Variants in TET2 observed in about 807,000 individuals in gnomAD.
TET2 encodes tet methylcytosine dioxygenase 2.
Under a neutral mutation model 142.9 loss-of-function variants are expected in TET2, and 299 were observed. That is an observed-to-expected ratio of 2.09 (90% CI 1.90 to 2.30). TET2 has a LOEUF of 2.30. Among genes scored for constraint, TET2 ranks in the 30% most tolerant of loss-of-function variants. The pLI, the probability that TET2 is intolerant of heterozygous loss-of-function variation, is 0.00. For missense variants in TET2, 2,418 were observed against 2,378.0 expected (o/e 1.02, Z -0.35); for synonymous variants, 819 against 849.0 (o/e 0.96, Z 0.61).
intron 1 of TET2, among the ~76,000 whole-genome samples, chr4:105,188,147 A>T (rs1034285977): frequency 6.6e-6 from 1 of 152,256 alleles, no homozygotes; most frequent in African/African-American, 2.4e-5. Flanking sequence ...ATGGATAAAC[A>T]GAATGTGGTA....
In TET2 at chr4:105,278,171, C is replaced by CATATATACAT. The variant is rs1731303299; in HGVS notation, c.*1659_*1660insCATATATATA. 1 of 113,940 alleles carries CATATATACAT rather than the reference C, an allele frequency of 8.8e-6. No homozygotes were observed. The highest frequency in any genetic ancestry group is 1.7e-5 in the Non-Finnish European group (1 of 59,352). 7.1% of individuals were successfully genotyped at this position (113,940 alleles called of 1,614,324 possible). On this transcript the variant is annotated 3_prime_UTR_variant, in exon 11 of 11. Coordinates refer to ENST00000380013, the MANE Select transcript of TET2 (RefSeq NM_001127208.3). ...GTACTGTAAAAAAATTAAATATATACATATATATATATATATATATATATA... is the reference window on the plus strand; with the variant it reads ...GTACTGTAAAAAAATTAAATATATACATATATACATATATATATATATATATATATATATA...
Position 105,195,743 on chromosome 4 carries a change from T to C in TET2, c.-47+5238T>C, listed in dbSNP as rs560747683. ...TTTTCTGAGTATTTTGATCTGTGAT[T>C]GATTGAATCCACAGATGCTGGAATC... On this transcript the variant is annotated intron_variant, in intron 2 of 10. Coordinates refer to ENST00000380013, the MANE Select transcript of TET2 (RefSeq NM_001127208.3). Among the ~76,000 whole-genome samples the C allele has an allele frequency of 2.6e-5, 4 of 152,304 alleles. No individual in the cohort carries two copies. In the East Asian group the frequency reaches 7.7e-4, roughly 29 times the overall value.
chr4:105,239,074 G>GTTTTTTTTTTTTTTTTTTTTTTTTT, intron 3 of TET2: 1 of 210,648 alleles, frequency 4.7e-6, no homozygotes. Flanking sequence ...TTTGTTTTTT[G>GTTTTTTTTTTTTTTTTTTTTTTTTT]TTTTTTTTTT....
At chr4:105,188,749 G>A (rs1300445090) in intron 1 of TET2, among the ~76,000 whole-genome samples, 1 of 152,008 alleles carries the variant, frequency 6.6e-6, no homozygotes, top group African/African-American at 2.4e-5. Context: ...GAAACCAGAC[G>A]TAAAAGGCCA....
chr4:105,236,972 G>T lies in TET2; in HGVS notation c.3030G>T (p.Glu1010Asp), dbSNP rs770136804. 79 of 1,613,976 alleles carry T rather than the reference G, an allele frequency of 4.9e-5. No homozygotes were observed. The Admixed American group carries it at 1.3e-3, about 26-fold the overall frequency. ...CATGGAAAAAGGTAACTAAGCAAGAGAATCCACCTGCAAGCTGTGATAATG... is the reference window on the plus strand; with the variant it reads ...CATGGAAAAAGGTAACTAAGCAAGATAATCCACCTGCAAGCTGTGATAATG... ...NKTWKKVTKQ[E>D]NPPASCDNVQ... The change falls in exon 3 of 11, where the codon GAG becomes GAT. Residue 1010 changes from glutamate to aspartate, a missense_variant. Glu to Asp is a conservative substitution (Grantham distance 45). Transcript: ENST00000380013.
Position 105,242,914 on chromosome 4 carries a change from C to A in TET2, c.3581C>A (p.Pro1194His). The change falls in exon 5 of 11, where the codon CCT (proline) becomes CAT (histidine). Residue 1194 changes from proline (P) to histidine (H), a missense_variant. Physicochemically the swap from Pro to His is moderately conservative, Grantham distance 77 (BLOSUM62 -2). Transcript: ENST00000380013. Reference protein sequence around the residue: ...GKEGKSSQGCPIAKWVVRRSS... With the variant: ...GKEGKSSQGCHIAKWVVRRSS... ...GAAGGCAAAAGTTCTCAGGGATGTC[C>A]TATTGCTAAGTGGGTAAGTGTGACT... 1.9e-6 allele frequency: 3 copies of A among 1,551,134 alleles called. No individual in the cohort carries two copies. Among genetic ancestry groups the A allele is most frequent in the Non-Finnish European group, 1.7e-6 (2 of 1,146,674 alleles).
chr4:105,189,545 G>A (rs529693995), intron 1 of TET2, among the ~76,000 whole-genome samples: 1 of 152,224 alleles, frequency 6.6e-6, no homozygotes, highest in South Asian at 2.1e-4. Flanking sequence ...TCAAAACAAC[G>A]CTTTCTCCCC....
At chr4:105,230,500 G>A (rs1728444707) in intron 2 of TET2, among the ~76,000 whole-genome samples, 2 of 152,158 alleles carry the variant, frequency 1.3e-5, no homozygotes, top group South Asian at 4.1e-4. Flanking sequence ...ACATAGTATA[G>A]TATCAAGCTT....
chr4:105,239,074 G>GTTTTTTTGTT (rs60653050), intron 3 of TET2: 34,747 of 210,340 alleles, frequency 0.17, 4,060 homozygotes, highest in African/African-American at 0.39. Context: ...TTTGTTTTTT[G>GTTTTTTTGTT]TTTTTTTTTT....
Position 105,234,456 on chromosome 4 carries a change from AG to A in TET2, c.515del (p.Ser172MetfsTer11). The A allele has an allele frequency of 6.2e-7, 1 of 1,614,032 alleles. No individual in the cohort carries two copies. On this transcript the variant is annotated frameshift_variant, in exon 3 of 11. Transcript: ENST00000380013. LOFTEE classifies it high-confidence loss of function. ...DFTSFSTHNC[S>X]GPENPELQIL... ...CACCAGTTTTTCAACACATAACTGC[AG>A]TGGGCCTGAAAATCCAGAGCTTCAG... is the stretch of plus-strand genomic sequence containing the variant.
At chr4:105,187,028 G>C (rs757194075) in intron 1 of TET2, among the ~76,000 whole-genome samples, 2 of 152,102 alleles carry the variant, frequency 1.3e-5, no homozygotes, top group Non-Finnish European at 2.9e-5. Context: ...TAGTTTGCCA[G>C]CTTGATTCCC....
chr4:105,190,068 A>G (rs569591407), intron 1 of TET2, among the ~76,000 whole-genome samples: 63 of 152,224 alleles, frequency 4.1e-4, no homozygotes, highest in Non-Finnish European at 7.8e-4. Context: ...GATTCAACAG[A>G]TGAAGTAATA....
Position 105,216,979 on chromosome 4 carries a change from C to T in TET2, c.-46-16918C>T, listed in dbSNP as rs554990815. 4.5e-4 allele frequency among the ~76,000 whole-genome samples: 68 copies of T among 152,056 alleles called. 1 individual carries two copies. The highest frequency in any genetic ancestry group is 3.0e-3 in the Admixed American group (45 of 15,248). ...ATTCAAATGTTATTTTCAATACATA[C>T]GTGGAAGTGTATTTTTTGTTTGTCC... On this transcript the variant is annotated intron_variant, in intron 2 of 10. Coordinates refer to ENST00000380013, the MANE Select transcript of TET2 (RefSeq NM_001127208.3).
At chr4:105,154,382 C>T (rs1217943511) in intron 1 of TET2, among the ~76,000 whole-genome samples, 1 of 152,152 alleles carries the variant, frequency 6.6e-6, no homozygotes, top group African/African-American at 2.4e-5. Flanking sequence ...AAAAGAAATG[C>T]AGGAACTATT....
chr4:105,262,450 A>C (rs994235025), intron 8 of TET2, among the ~76,000 whole-genome samples: 1 of 152,118 alleles, frequency 6.6e-6, no homozygotes, highest in African/African-American at 2.4e-5. Context: ...TCTCATCATG[A>C]AGGCAAAAAA....
chr4:105,264,377 CTAGATT>C (rs1730591683), intron 8 of TET2, among the ~76,000 whole-genome samples: 1 of 152,030 alleles, frequency 6.6e-6, no homozygotes, highest in South Asian at 2.1e-4. Context: ...GTCTATGTTG[CTAGATT>C]TAAAGTTGGG....
intron 2 of TET2, among the ~76,000 whole-genome samples, chr4:105,210,098 G>C (rs1727073096): frequency 6.6e-6 from 1 of 152,166 alleles, no homozygotes; most frequent in Non-Finnish European, 1.5e-5. Flanking sequence ...GTAGATGACA[G>C]GTTTGGAGTG....
At position 105,236,671 on chromosome 4, in the gene TET2, AAG is replaced by A; in HGVS notation, c.2730_2731del (p.Gln910HisfsTer13). Reference sequence around the variant, plus strand: ...AGAAACCAAGATATGTCTGGTCAACAAGCTGCGCAACTTGCTCAGCAAAGGTA... The same window carrying A: ...AGAAACCAAGATATGTCTGGTCAACACTGCGCAACTTGCTCAGCAAAGGTA... On this transcript the variant is annotated frameshift_variant, in exon 3 of 11. Coordinates refer to ENST00000380013, the MANE Select transcript of TET2 (RefSeq NM_001127208.3). LOFTEE classifies it high-confidence loss of function. 6.2e-7 allele frequency: 1 copy of A among 1,614,118 alleles called. No homozygotes were observed. The highest frequency in any genetic ancestry group is 8.5e-7 in the Non-Finnish European group (1 of 1,180,006).
chr4:105,201,608 T>G (rs778632299), intron 2 of TET2, among the ~76,000 whole-genome samples: 7 of 152,144 alleles, frequency 4.6e-5, no homozygotes, highest in Admixed American at 6.6e-5. Context: ...TTTTAAGGAC[T>G]GCTAATTATA....
Sources: gnomAD v4.1 joint callset for allele counts (sites outside exome capture counted in the v4.1 genomes callset) on GRCh38, gnomAD v4.1.1 for gene constraint, MANE v1.5 for transcripts, NCBI Gene and HGNC (gene_info 2026-07-23, HGNC 2026-07-21) for gene names.